The following FRMD4A variants were observed in gnomAD, a reference collection of about 807,000 sequenced individuals.
The protein encoded by FRMD4A is FERM domain containing 4A.
Under a neutral mutation model 129.1 loss-of-function variants are expected in FRMD4A, and 29 were observed. That is an observed-to-expected ratio of 0.22 (90% CI 0.17 to 0.31). FRMD4A has a LOEUF of 0.31. FRMD4A is among the 10% of genes least tolerant of loss of function. The pLI, the probability that FRMD4A is intolerant of heterozygous loss-of-function variation, is 1.00. For missense variants in FRMD4A, 1,272 were observed against 1,375.8 expected (o/e 0.92, Z 1.19); for synonymous variants, 634 against 571.6 (o/e 1.11, Z -1.56).
chr10:13,930,609 A>G (rs1355847647), intron 2 of FRMD4A, among the ~76,000 whole-genome samples: 1 of 152,288 alleles, frequency 6.6e-6, no homozygotes, highest in South Asian at 2.1e-4. Flanking sequence ...AAAGAGTGTC[A>G]CTGCCAGACG....
intron 17 of FRMD4A, 87 bp downstream of exon 17, chr10:13,670,319 A>T: frequency 7.2e-7 from 1 of 1,391,276 alleles, no homozygotes; most frequent in East Asian, 2.4e-5. Flanking sequence ...GAAATGAAGA[A>T]ATTGGTACAG....
intron 21 of FRMD4A, among the ~76,000 whole-genome samples, chr10:13,657,906 G>T (rs1411508150): frequency 1.3e-5 from 2 of 151,498 alleles, no homozygotes; most frequent in Non-Finnish European, 2.9e-5. Flanking sequence ...CAGTGCTTCA[G>T]GAGGCTGAAG....
intron 3 of FRMD4A, among the ~76,000 whole-genome samples, chr10:13,816,979 G>A (rs1343004): frequency 0.39 from 59,875 of 152,072 alleles, 11,909 homozygotes; most frequent in Middle Eastern, 0.44. Flanking sequence ...CCCATAATTA[G>A]CTTTGTTCAA....
At chr10:13,851,082 C>T (rs2094134033) in intron 3 of FRMD4A, among the ~76,000 whole-genome samples, 2 of 152,138 alleles carry the variant, frequency 1.3e-5, no homozygotes, top group South Asian at 2.1e-4. Context: ...GGCATGATGG[C>T]GGGTGCCTGT....
chr10:13,989,374 T>C (rs115041121), intron 2 of FRMD4A, among the ~76,000 whole-genome samples: 3,340 of 152,290 alleles, frequency 0.022, 133 homozygotes, highest in African/African-American at 0.075. Flanking sequence ...TTCTTTTTTT[T>C]GAGACGGCGC....
At chr10:13,788,581 G>T (rs1347299188) in intron 5 of FRMD4A, among the ~76,000 whole-genome samples, 1 of 152,086 alleles carries the variant, frequency 6.6e-6, no homozygotes, top group African/African-American at 2.4e-5. Flanking sequence ...ACGGGTTTTG[G>T]GGGCACACTT....
intron 2 of FRMD4A, among the ~76,000 whole-genome samples, chr10:14,244,116 G>A (rs1282136873): frequency 6.6e-6 from 1 of 152,156 alleles, no homozygotes; most frequent in Non-Finnish European, 1.5e-5. Context: ...CCCTTAATTA[G>A]TATGAATTAA....
At chr10:13,841,510 A>T (rs1331789194) in intron 3 of FRMD4A, among the ~76,000 whole-genome samples, 1 of 152,240 alleles carries the variant, frequency 6.6e-6, no homozygotes, top group Admixed American at 6.5e-5. Flanking sequence ...GATTGGGTCC[A>T]ATCACATGGC....
intron 2 of FRMD4A, among the ~76,000 whole-genome samples, chr10:14,216,397 G>T (rs1488031496): frequency 6.6e-6 from 1 of 152,148 alleles, no homozygotes; most frequent in African/African-American, 2.4e-5. Context: ...AAGGCTGGGC[G>T]CAATGACTCA....
At chr10:13,818,662 C>T (rs1164769466) in intron 3 of FRMD4A, among the ~76,000 whole-genome samples, 2 of 152,158 alleles carry the variant, frequency 1.3e-5, no homozygotes, top group East Asian at 1.9e-4. Context: ...CCTCTCTGTG[C>T]CTCAGTTTCC....
intron 2 of FRMD4A, among the ~76,000 whole-genome samples, chr10:14,042,943 A>G (rs1030043516): frequency 1.2e-4 from 18 of 151,552 alleles, no homozygotes; most frequent in African/African-American, 3.4e-4. Flanking sequence ...AAAAAAAAAA[A>G]AAAAAAGAAA....
chr10:14,138,967 C>A lies in FRMD4A; in HGVS notation c.45+191091G>T, dbSNP rs565302238. Reference sequence around the variant, plus strand: ...AGCCTGGAATGACTGGCTACCCCTGCCCCTTCCCTGGGACCTCTGGACCTC... The same window carrying A: ...AGCCTGGAATGACTGGCTACCCCTGACCCTTCCCTGGGACCTCTGGACCTC... On this transcript the variant is annotated intron_variant, in intron 2 of 24. Transcript: ENST00000357447. Among the ~76,000 whole-genome samples the A allele has an allele frequency of 3.3e-5, 5 of 152,154 alleles. 1 individual carries two copies. The highest frequency in any genetic ancestry group is 1.3e-4 in the Admixed American group (2 of 15,282).
chr10:14,109,240 C>G (rs1477229302), intron 2 of FRMD4A, among the ~76,000 whole-genome samples: 1 of 148,790 alleles, frequency 6.7e-6, no homozygotes, highest in East Asian at 2.0e-4. Context: ...TCCAAAGAAG[C>G]TTCTCAGAAG....
rs570728882 is a variant in FRMD4A at position 13,654,107 on chromosome 10, C to T, written c.3050+309G>A. 8.3e-4 allele frequency: 429 copies of T among 516,948 alleles called. 6 individuals are homozygous for T. The South Asian group carries it at 0.01, about 12-fold the overall frequency. 32.0% of individuals were successfully genotyped at this position (516,948 alleles called of 1,614,324 possible). On this transcript the variant is annotated intron_variant, in intron 23 of 24. Coordinates refer to ENST00000357447, the MANE Select transcript of FRMD4A (RefSeq NM_018027.5). Reference sequence around the variant, plus strand: ...GAGTCAGCCTGAGTATAATCCAAACCGAAATGAAATGCTGTCTGGAAATCT... The same window carrying T: ...GAGTCAGCCTGAGTATAATCCAAACTGAAATGAAATGCTGTCTGGAAATCT...
At chr10:14,275,232 T>C (rs1439658576) in intron 2 of FRMD4A, among the ~76,000 whole-genome samples, 6 of 152,174 alleles carry the variant, frequency 3.9e-5, no homozygotes, top group Admixed American at 2.0e-4. Flanking sequence ...AGTCAAGTCA[T>C]AGCAACTAGA....
chr10:13,852,096 C>G (rs2094147283), intron 3 of FRMD4A, among the ~76,000 whole-genome samples: 1 of 151,890 alleles, frequency 6.6e-6, no homozygotes, highest in Admixed American at 6.6e-5. Context: ...TTGAATCATC[C>G]TGAAACCATA....
intron 3 of FRMD4A, among the ~76,000 whole-genome samples, chr10:13,824,633 C>T (rs2093675255): frequency 6.6e-6 from 1 of 152,030 alleles, no homozygotes; most frequent in African/African-American, 2.4e-5. Flanking sequence ...TGGCTCACAC[C>T]TGTAATCCCA....
At chr10:14,014,997 C>CCCT (rs2095693898) in intron 2 of FRMD4A, among the ~76,000 whole-genome samples, 2 of 67,828 alleles carry the variant, frequency 2.9e-5, no homozygotes, top group African/African-American at 1.1e-4. Context: ...CCTTTCTTAT[C>CCCT]TCCTTCCTTC....
At chr10:13,973,500 C>T (rs970249948) in intron 2 of FRMD4A, among the ~76,000 whole-genome samples, 1 of 152,128 alleles carries the variant, frequency 6.6e-6, no homozygotes, top group African/African-American at 2.4e-5. Context: ...TTAATGTAAA[C>T]TCTTTTTTGG....
Sources: gnomAD v4.1 joint callset for allele counts (sites outside exome capture counted in the v4.1 genomes callset) on GRCh38, gnomAD v4.1.1 for gene constraint, MANE v1.5 for transcripts, NCBI Gene and HGNC (gene_info 2026-07-23, HGNC 2026-07-21) for gene names.